HTR2A: variants seen among roughly 807,000 people sequenced by gnomAD.
HTR2A encodes 5-HT2 receptor.
In HTR2A, 14 loss-of-function variants were observed where a neutral mutation model predicts 31.0. The ratio of observed to expected loss-of-function variants is 0.45; its 90% CI spans 0.30 to 0.71. The LOEUF is 0.71. Among genes scored for constraint, HTR2A ranks in the 30% least tolerant of loss-of-function variants. The probability of loss-of-function intolerance (pLI) is 0.09; values close to 1 mark genes in which losing one functional copy is unlikely to be tolerated. For missense variants in HTR2A, 442 were observed against 573.3 expected (o/e 0.77, Z 2.34); for synonymous variants, 209 against 225.2 (o/e 0.93, Z 0.64).
chr13:46,869,535 A>ACTTTTT (rs1950848134), intron 3 of HTR2A, among the ~76,000 whole-genome samples: 1 of 152,122 alleles, frequency 6.6e-6, no homozygotes, highest in Non-Finnish European at 1.5e-5. Context: ...AAAAAGTTAA[A>ACTTTTT]GATAGAACTA....
chr13:46,837,406 T>C (rs1003428371), intron 3 of HTR2A, among the ~76,000 whole-genome samples: 2 of 152,094 alleles, frequency 1.3e-5, no homozygotes, highest in African/African-American at 2.4e-5. Flanking sequence ...TATAACTTAG[T>C]TTAAGATTGT....
intron 3 of HTR2A, among the ~76,000 whole-genome samples, chr13:46,876,682 C>T (rs1950916939): frequency 1.3e-5 from 2 of 151,978 alleles, no homozygotes; most frequent in African/African-American, 2.4e-5. Context: ...TCCCAAAGTG[C>T]TGGGATTACA....
At chr13:46,884,970 T>C (rs1251687115) in intron 3 of HTR2A, among the ~76,000 whole-genome samples, 4 of 151,958 alleles carry the variant, frequency 2.6e-5, no homozygotes, top group Admixed American at 1.3e-4. Context: ...AATACAGTGG[T>C]CCCCCCTTGT....
chr13:46,889,925 C>A (rs537819610), intron 3 of HTR2A, among the ~76,000 whole-genome samples: 1 of 152,322 alleles, frequency 6.6e-6, no homozygotes, highest in Admixed American at 6.5e-5. Context: ...AGTATAGATT[C>A]TATGTAACTT....
At chr13:46,887,587 T>C (rs1325734526) in intron 3 of HTR2A, among the ~76,000 whole-genome samples, 1 of 151,814 alleles carries the variant, frequency 6.6e-6, no homozygotes, top group East Asian at 1.9e-4. Context: ...TAACTTGTGA[T>C]TAATATTTAA....
chr13:46,882,875 AAG>A (rs1276190423), intron 3 of HTR2A, among the ~76,000 whole-genome samples: 1 of 152,198 alleles, frequency 6.6e-6, no homozygotes, highest in East Asian at 1.9e-4. Flanking sequence ...AATAGAATCC[AAG>A]AGAGATCCAC....
intron 3 of HTR2A, among the ~76,000 whole-genome samples, chr13:46,872,326 G>T (rs1026269416): frequency 2.7e-5 from 4 of 146,646 alleles, no homozygotes; most frequent in Non-Finnish European, 6.1e-5. Flanking sequence ...GTATTGCATG[G>T]TTTATTTGAC....
In HTR2A at chr13:46,835,625, T is replaced by C. The variant is rs770042749; in HGVS notation, c.628A>G (p.Ile210Val). ...WTISVGISMP[I>V]PVFGLQDDSK... Reference sequence around the variant, plus strand: ...TCGTCCTGTAGCCCAAAGACTGGTATTGGCATGGATATACCTGGAGTTGAA... The same window carrying C: ...TCGTCCTGTAGCCCAAAGACTGGTACTGGCATGGATATACCTGGAGTTGAA... Residue 210 changes from isoleucine (I) to valine (V), a missense_variant, in exon 4 of 4, where the codon ATA becomes GTA. Physicochemically the swap from Ile to Val is conservative, Grantham distance 29 (BLOSUM62 3). Coordinates refer to ENST00000542664, the MANE Select transcript of HTR2A (RefSeq NM_000621.5). 3.1e-6 allele frequency: 5 copies of C among 1,611,980 alleles called. No homozygotes were observed. The highest frequency in any genetic ancestry group is 4.2e-6 in the Non-Finnish European group (5 of 1,178,724).
chr13:46,896,019 T>C lies in HTR2A; in HGVS notation c.-113A>G, dbSNP rs561621607. On this transcript the variant is annotated 5_prime_UTR_variant, in exon 2 of 4. An upstream start codon of the reference 5' UTR is lost. Transcript: ENST00000542664. ...TCTGTAACACTGAGGCTGGTGTACA[T>C]GCTGTTCTCCCGGGGCTGGATTTTT... 5.5e-6 allele frequency: 8 copies of C among 1,463,668 alleles called. No individual in the cohort carries two copies. The East Asian group carries it at 1.9e-4, about 35-fold the overall frequency. 90.7% of individuals were successfully genotyped at this position (1,463,668 alleles called of 1,614,324 possible).
chr13:46,856,745 C>T (rs1009270129), intron 3 of HTR2A, among the ~76,000 whole-genome samples: 2 of 152,178 alleles, frequency 1.3e-5, no homozygotes, highest in African/African-American at 4.8e-5. Flanking sequence ...TATCTAATTA[C>T]ACAACAAATC....
rs973704672 is a variant in HTR2A, at chr13:46,895,331, C to T, written c.412+164G>A. 3.1e-5 allele frequency: 20 copies of T among 653,310 alleles called. No homozygotes were observed. Among genetic ancestry groups the T allele is most frequent in the African/African-American group, 2.9e-4 (16 of 54,902 alleles). 40.5% of individuals were successfully genotyped at this position (653,310 alleles called of 1,614,324 possible). A position where few individuals can be genotyped will look rare whatever the true frequency, so the allele number is the denominator to read the frequency against. ...AGACTGTCTGATTTTTATGTGAAAT[C>T]CCATTTTAAGAGTAAAATATAAGTA... is the stretch of plus-strand genomic sequence containing the variant. On this transcript the variant is annotated intron_variant, in intron 2 of 3. Transcript: ENST00000542664. The surrounding 1 kb of genome is among the most constrained non-coding windows in gnomAD (Gnocchi z 4.4).
chr13:46,861,442 G>A (rs1311100921), intron 3 of HTR2A, among the ~76,000 whole-genome samples: 6 of 152,128 alleles, frequency 3.9e-5, no homozygotes, highest in Non-Finnish European at 7.3e-5. Context: ...ACCCAATTTC[G>A]TTTGAGTGGA....
chr13:46,873,730 A>T (rs1379854150), intron 3 of HTR2A, among the ~76,000 whole-genome samples: 1 of 152,136 alleles, frequency 6.6e-6, no homozygotes, highest in Non-Finnish European at 1.5e-5. Context: ...GTTTACTGAG[A>T]ATGATGATTT....
intron 3 of HTR2A, among the ~76,000 whole-genome samples, chr13:46,854,471 GC>G (rs953967726): frequency 2.0e-5 from 3 of 152,154 alleles, no homozygotes; most frequent in Non-Finnish European, 4.4e-5. Flanking sequence ...TACAAGAGGG[GC>G]ACATAATAGA....
intron 3 of HTR2A, among the ~76,000 whole-genome samples, chr13:46,869,461 T>C (rs1172558513): frequency 1.3e-5 from 2 of 152,082 alleles, no homozygotes; most frequent in Non-Finnish European, 2.9e-5. Context: ...TCAGAACCCT[T>C]GTACGTTGAT....
intron 3 of HTR2A, among the ~76,000 whole-genome samples, chr13:46,881,890 T>C (rs1216518132): frequency 6.6e-6 from 1 of 152,186 alleles, no homozygotes; most frequent in Non-Finnish European, 1.5e-5. Flanking sequence ...ATTTATTTTT[T>C]CAAGCATTTT....
intron 3 of HTR2A, among the ~76,000 whole-genome samples, chr13:46,848,089 G>A (rs954113660): frequency 1.3e-5 from 2 of 152,154 alleles, no homozygotes; most frequent in African/African-American, 4.8e-5. Flanking sequence ...TGGTTTTACT[G>A]TCTTTCAGTG....
At chr13:46,843,576 A>G (rs1950616863) in intron 3 of HTR2A, among the ~76,000 whole-genome samples, 1 of 152,180 alleles carries the variant, frequency 6.6e-6, no homozygotes, top group South Asian at 2.1e-4. Context: ...AAGACATACA[A>G]GATTGCTCAG....
chr13:46,855,616 C>T (rs1258732248), intron 3 of HTR2A, among the ~76,000 whole-genome samples: 10 of 151,396 alleles, frequency 6.6e-5, no homozygotes, highest in Non-Finnish European at 8.9e-5. Flanking sequence ...GAGACAGAAC[C>T]CAAAAGCTTT....
Sources: allele counts gnomAD v4.1 joint callset (sites outside exome capture counted in the v4.1 genomes callset), GRCh38; gene constraint gnomAD v4.1.1; non-coding constraint Gnocchi (gnomAD v3.1); transcripts MANE v1.5; gene names NCBI Gene and HGNC (gene_info 2026-07-23, HGNC 2026-07-21).